The following GALNTL6 variants were observed in gnomAD, a reference collection of about 807,000 sequenced individuals.
The protein encoded by GALNTL6 is polypeptide N-acetylgalactosaminyltransferase-like 6.
Under a neutral mutation model 73.7 loss-of-function variants are expected in GALNTL6, and 46 were observed. The ratio of observed to expected loss-of-function variants is 0.62; its 90% CI spans 0.49 to 0.80. The LOEUF is 0.80. Among genes scored for constraint, GALNTL6 ranks in the 30% least tolerant of loss-of-function variants. GALNTL6 has a pLI of 0.00. For missense variants in GALNTL6, 604 were observed against 755.0 expected, an observed-to-expected ratio of 0.80 and a Z score of 2.34; for synonymous variants, 259 against 263.7, an observed-to-expected ratio of 0.98 and a Z score of 0.17.
At chr4:172,662,464 C>G (rs1445049510) in intron 5 of GALNTL6, among the ~76,000 whole-genome samples, 1 of 152,176 alleles carries the variant, frequency 6.6e-6, no homozygotes. Flanking sequence ...TCTGCTTTCT[C>G]CTTTCTGCCA....
intron 7 of GALNTL6, among the ~76,000 whole-genome samples, chr4:172,867,992 G>A (rs1018562445): frequency 6.6e-6 from 1 of 152,172 alleles, no homozygotes; most frequent in African/African-American, 2.4e-5. Flanking sequence ...TGCATATTTA[G>A]TACCCCAAGG....
chr4:171,815,012 G>T (rs1318079278), intron 2 of GALNTL6: 24 of 509,634 alleles, frequency 4.7e-5, no homozygotes, highest in Non-Finnish European at 4.8e-5. Flanking sequence ...TGGATGAAAG[G>T]TAACTGTTCA....
intron 7 of GALNTL6, among the ~76,000 whole-genome samples, chr4:172,865,202 T>G (rs1042658241): frequency 2.0e-5 from 3 of 152,356 alleles, no homozygotes; most frequent in African/African-American, 4.8e-5. Flanking sequence ...AAAAGGCTGG[T>G]GCACTAGTGC....
intron 2 of GALNTL6, among the ~76,000 whole-genome samples, chr4:171,957,039 T>A (rs1739073042): frequency 6.6e-6 from 1 of 152,206 alleles, no homozygotes; most frequent in South Asian, 2.1e-4. Context: ...TCTTGCCACA[T>A]GATGGCCTCA....
intron 2 of GALNTL6, among the ~76,000 whole-genome samples, chr4:171,966,081 G>A (rs1451640488): frequency 2.0e-5 from 3 of 152,024 alleles, no homozygotes; most frequent in Non-Finnish European, 4.4e-5. Flanking sequence ...TTTAACTTTT[G>A]AGAGTAGGAA....
At chr4:172,970,395 C>T (rs796579836) in intron 10 of GALNTL6, among the ~76,000 whole-genome samples, 1 of 152,070 alleles carries the variant, frequency 6.6e-6, no homozygotes, top group Non-Finnish European at 1.5e-5. Context: ...CTTATCTCAC[C>T]ACATAAGACA....
At chr4:172,306,334 A>G (rs1474714107) in intron 3 of GALNTL6, among the ~76,000 whole-genome samples, 2 of 152,178 alleles carry the variant, frequency 1.3e-5, no homozygotes, top group African/African-American at 2.4e-5. Context: ...GCTTGCAGTG[A>G]GCCGAGATCG....
chr4:172,988,795 G>A (rs1245557157), intron 10 of GALNTL6, among the ~76,000 whole-genome samples: 1 of 152,256 alleles, frequency 6.6e-6, no homozygotes, highest in Non-Finnish European at 1.5e-5. Flanking sequence ...TCAGGCCACT[G>A]CTCCAGAGGG....
chr4:172,832,615 G>T (rs1266799563), intron 7 of GALNTL6, among the ~76,000 whole-genome samples: 1 of 152,180 alleles, frequency 6.6e-6, no homozygotes, highest in Admixed American at 6.5e-5. Context: ...CTTGGGCCAG[G>T]CCCCGGTAGA....
chr4:172,525,956 T>A (rs1433491999), intron 5 of GALNTL6, among the ~76,000 whole-genome samples: 2 of 152,264 alleles, frequency 1.3e-5, no homozygotes, highest in African/African-American at 4.8e-5. Flanking sequence ...ATTTTATTTC[T>A]TTATTTTAAG....
rs982840421 is a variant in GALNTL6, at chr4:172,897,893, G to C, written c.1041+14986G>C. 6.6e-5 allele frequency among the ~76,000 whole-genome samples: 10 copies of C among 152,194 alleles called. No homozygotes were observed. In the East Asian group the frequency reaches 1.9e-3, roughly 29 times the overall value. Reference sequence around the variant, plus strand: ...GAAACTACTTCCTTCCAATCTTTCAGTGAGATGTAGCCATGCCATATGCAA... The same window carrying C: ...GAAACTACTTCCTTCCAATCTTTCACTGAGATGTAGCCATGCCATATGCAA... On this transcript the variant is annotated intron_variant, in intron 8 of 12. Transcript: ENST00000506823.
At chr4:172,065,345 C>A (rs879878567) in intron 2 of GALNTL6, among the ~76,000 whole-genome samples, 1 of 152,166 alleles carries the variant, frequency 6.6e-6, no homozygotes, top group Non-Finnish European at 1.5e-5. Context: ...GGCCATAATG[C>A]TCTCTTGCCC....
At chr4:171,918,146 A>G (rs948594272) in intron 2 of GALNTL6, among the ~76,000 whole-genome samples, 2 of 152,100 alleles carry the variant, frequency 1.3e-5, no homozygotes, top group Admixed American at 6.6e-5. Flanking sequence ...TTCTCAGACA[A>G]TAGTCTTGTT....
At chr4:172,634,244 T>C (rs758627841) in intron 5 of GALNTL6, among the ~76,000 whole-genome samples, 4 of 152,218 alleles carry the variant, frequency 2.6e-5, no homozygotes, top group Non-Finnish European at 4.4e-5. Flanking sequence ...TCCATAGCAG[T>C]GTTCAAGGCC....
intron 5 of GALNTL6, among the ~76,000 whole-genome samples, chr4:172,659,934 T>C (rs1270464531): frequency 6.6e-6 from 1 of 152,124 alleles, no homozygotes; most frequent in Non-Finnish European, 1.5e-5. Flanking sequence ...ACAACACATC[T>C]CTTACTATGT....
intron 5 of GALNTL6, among the ~76,000 whole-genome samples, chr4:172,379,354 C>T (rs968358263): frequency 1.3e-5 from 2 of 151,886 alleles, no homozygotes; most frequent in South Asian, 2.1e-4. Context: ...CAAGGTGAAA[C>T]CCCGTCTCTA....
chr4:171,971,377 A>T lies in GALNTL6; in HGVS notation c.138+156659A>T, dbSNP rs546268859. On this transcript the variant is annotated intron_variant, in intron 2 of 12. Transcript: ENST00000506823. ...AAGACTTGGAGAAGACAGTCCAGTA[A>T]CAGTAAATTTCTAGCTGTTGTTTCG... Among the ~76,000 whole-genome samples the T allele has an allele frequency of 4.6e-5, 7 of 152,354 alleles. No individual in the cohort carries two copies. The South Asian group carries it at 1.4e-3, about 32-fold the overall frequency.
chr4:172,924,622 A>G (rs921168150), intron 8 of GALNTL6, among the ~76,000 whole-genome samples: 8 of 152,214 alleles, frequency 5.3e-5, no homozygotes, highest in Admixed American at 2.6e-4. Context: ...AGGTGGGAGA[A>G]TTTTCTTTGG....
In GALNTL6 at chr4:171,831,247, A is replaced by T. The variant is rs138231523; in HGVS notation, c.138+16529A>T. On this transcript the variant is annotated intron_variant, in intron 2 of 12. Transcript: ENST00000506823. Reference sequence around the variant, plus strand: ...AGCAGAAACGTAGAAGCAAGGAGAGAAAGGGAGAAAAATCAAAGGTAAAAC... The same window carrying T: ...AGCAGAAACGTAGAAGCAAGGAGAGTAAGGGAGAAAAATCAAAGGTAAAAC... Among the ~76,000 whole-genome samples, 186 of 152,132 alleles carry T rather than the reference A, an allele frequency of 1.2e-3. No individual in the cohort carries two copies. In the Middle Eastern group the frequency reaches 0.017, roughly 14 times the overall value.
Sources: gnomAD v4.1 joint callset for allele counts (sites outside exome capture counted in the v4.1 genomes callset) on GRCh38, gnomAD v4.1.1 for gene constraint, MANE v1.5 for transcripts, NCBI Gene and HGNC (gene_info 2026-07-23, HGNC 2026-07-21) for gene names.